The following SLC2A13 variants were observed in gnomAD, a reference collection of about 807,000 sequenced individuals.
SLC2A13 encodes the protein proton myo-inositol cotransporter.
A neutral mutation model predicts 64.4 loss-of-function variants in SLC2A13; 32 were observed. That is an observed-to-expected ratio of 0.50 (90% CI 0.37 to 0.67). The LOEUF is 0.67. Among genes scored for constraint, SLC2A13 ranks in the 30% least tolerant of loss-of-function variants. SLC2A13 has a pLI of 0.00. For synonymous variants in SLC2A13, 338 were observed against 327.1 expected, an observed-to-expected ratio of 1.03 and a Z score of -0.36; for missense variants, 743 against 829.2, an observed-to-expected ratio of 0.90 and a Z score of 1.28.
At chr12:39,777,271 T>C (rs77886362) in intron 7 of SLC2A13, among the ~76,000 whole-genome samples, 1 of 152,116 alleles carries the variant, frequency 6.6e-6, no homozygotes, top group Non-Finnish European at 1.5e-5. Flanking sequence ...AAATAGTCAA[T>C]TGAAATAATA....
chr12:39,805,810 A>G (rs925214532), intron 7 of SLC2A13, among the ~76,000 whole-genome samples: 2 of 152,214 alleles, frequency 1.3e-5, no homozygotes, highest in African/African-American at 4.8e-5. Context: ...TAAATAATCT[A>G]GAAAGGGAGT....
chr12:39,913,434 C>T (rs545061959), intron 4 of SLC2A13, among the ~76,000 whole-genome samples: 9 of 151,258 alleles, frequency 6.0e-5, no homozygotes, highest in African/African-American at 2.2e-4. Flanking sequence ...GAGAAATAAG[C>T]CTCCATACAA....
rs11831602 is a variant in SLC2A13, at chr12:39,872,042, A to G, written c.1035-81T>C. The G allele has an allele frequency of 9.6e-4, 1,194 of 1,237,342 alleles. 11 individuals carry two copies. In the African/African-American group the frequency reaches 0.017, roughly 18 times the overall value. 76.6% of individuals were successfully genotyped at this position (1,237,342 alleles called of 1,614,324 possible). On this transcript the variant is annotated intron_variant, in intron 4 of 9. Coordinates refer to ENST00000280871, the MANE Select transcript of SLC2A13 (RefSeq NM_052885.4). ...TATTTTGATAGAAAAAGATGTATTC[A>G]ATTTGAAAAAAATATAAGGAGAACT...
intron 1 of SLC2A13, among the ~76,000 whole-genome samples, chr12:40,081,832 C>T (rs539245990): frequency 2.6e-5 from 4 of 152,300 alleles, no homozygotes; most frequent in Admixed American, 2.0e-4. Context: ...TTTAAAGTTG[C>T]TGTCCTTCAT....
intron 3 of SLC2A13, among the ~76,000 whole-genome samples, chr12:39,964,528 G>T (rs1946472203): frequency 1.3e-5 from 2 of 152,208 alleles, no homozygotes; most frequent in African/African-American, 2.4e-5. Context: ...GGGAAAAGGA[G>T]GAGGACATAT....
At chr12:39,996,098 T>C (rs577033781) in intron 3 of SLC2A13, among the ~76,000 whole-genome samples, 114 of 152,348 alleles carry the variant, frequency 7.5e-4, no homozygotes, top group African/African-American at 2.6e-3. Context: ...ACAATGCTGA[T>C]AGTAATATAG....
chr12:39,798,906 C>T (rs1285185584), intron 7 of SLC2A13, among the ~76,000 whole-genome samples: 1 of 151,558 alleles, frequency 6.6e-6, no homozygotes, highest in African/African-American at 2.4e-5. Flanking sequence ...AATAATACAA[C>T]AGCTTTATAA....
chr12:39,962,885 A>G (rs879272309), intron 3 of SLC2A13, among the ~76,000 whole-genome samples: 1 of 152,172 alleles, frequency 6.6e-6, no homozygotes, highest in Admixed American at 6.5e-5. Flanking sequence ...TTCATAATTA[A>G]AGGTGGAAAT....
chr12:39,784,556 C>T (rs987350571), intron 7 of SLC2A13, among the ~76,000 whole-genome samples: 7 of 152,168 alleles, frequency 4.6e-5, no homozygotes, highest in Admixed American at 3.3e-4. Flanking sequence ...CTTCCTTACA[C>T]CTTATACAAA....
chr12:39,832,225 C>T (rs1008622518), intron 6 of SLC2A13, among the ~76,000 whole-genome samples: 11 of 152,024 alleles, frequency 7.2e-5, no homozygotes, highest in Non-Finnish European at 1.5e-4. Context: ...CTTTGAGAAC[C>T]AGACTAGGCT....
intron 7 of SLC2A13, among the ~76,000 whole-genome samples, chr12:39,800,362 T>C (rs985720309): frequency 1.3e-5 from 2 of 152,026 alleles, no homozygotes; most frequent in South Asian, 2.1e-4. Context: ...AAAGGGCTAA[T>C]ATCCAGAATC....
At chr12:40,042,236 TG>T (rs1948100848) in intron 2 of SLC2A13, among the ~76,000 whole-genome samples, 3 of 152,074 alleles carry the variant, frequency 2.0e-5, no homozygotes, top group South Asian at 4.1e-4. Context: ...AAGATAAGCC[TG>T]TTTTTTTTTT....
intron 1 of SLC2A13, among the ~76,000 whole-genome samples, chr12:40,101,403 G>A (rs1565628141): frequency 6.6e-6 from 1 of 152,144 alleles, no homozygotes; most frequent in Non-Finnish European, 1.5e-5. Context: ...GGTTTCTACT[G>A]AAGGGTCCAC....
rs187884106 is a variant in SLC2A13, at chr12:39,804,058, C to T, written c.1445+26045G>A. 4.9e-3 allele frequency among the ~76,000 whole-genome samples: 739 copies of T among 151,746 alleles called. 20 individuals carry two copies. The highest frequency in any genetic ancestry group is 1.4e-3 in the Non-Finnish European group (92 of 67,910). On this transcript the variant is annotated intron_variant, in intron 7 of 9. Coordinates refer to ENST00000280871, the MANE Select transcript of SLC2A13 (RefSeq NM_052885.4). ...ATTTGACAAGAAATAATGAAAAAAA[C>T]TGGTGTGCATGTGTGTAAATGTAAA...
intron 3 of SLC2A13, among the ~76,000 whole-genome samples, chr12:39,979,551 T>C (rs1457489737): frequency 4.7e-5 from 7 of 149,194 alleles, no homozygotes; most frequent in Admixed American, 4.7e-4. Context: ...GCCGATGCGA[T>C]CAACTGGAAG....
chr12:39,991,157 C>G (rs1042584677), intron 3 of SLC2A13, among the ~76,000 whole-genome samples: 1 of 152,210 alleles, frequency 6.6e-6, no homozygotes, highest in Non-Finnish European at 1.5e-5. Context: ...CTACTTACTT[C>G]ACACAGCAGT....
intron 6 of SLC2A13, among the ~76,000 whole-genome samples, chr12:39,854,780 T>C (rs745728972): frequency 2.7e-4 from 41 of 152,186 alleles, no homozygotes; most frequent in Non-Finnish European, 5.1e-4. Context: ...TGGTGGCCCT[T>C]TCTCCAGCAG....
At chr12:39,941,052 T>TTA (rs985481992) in intron 4 of SLC2A13, among the ~76,000 whole-genome samples, 1 of 152,070 alleles carries the variant, frequency 6.6e-6, no homozygotes, top group African/African-American at 2.4e-5. Context: ...TAATTCCTTT[T>TTA]TATAGCTGCA....
chr12:39,841,754 A>T (rs990949098), intron 6 of SLC2A13, among the ~76,000 whole-genome samples: 2 of 152,054 alleles, frequency 1.3e-5, no homozygotes, highest in African/African-American at 4.8e-5. Context: ...AACAGTAACT[A>T]ATCTTCTCTG....
Sources: gnomAD v4.1 joint callset for allele counts (sites outside exome capture counted in the v4.1 genomes callset) on GRCh38, gnomAD v4.1.1 for gene constraint, MANE v1.5 for transcripts, NCBI Gene and HGNC (gene_info 2026-07-23, HGNC 2026-07-21) for gene names.